The following ZFHX3 variants were observed in gnomAD, a reference collection of about 807,000 sequenced individuals.
ZFHX3 encodes the protein zinc finger homeobox 3, also known as zinc finger homeobox protein 3.
Under a neutral mutation model 279.1 loss-of-function variants are expected in ZFHX3, and 42 were observed. That is an observed-to-expected ratio of 0.15 (90% CI 0.12 to 0.19). The LOEUF is 0.19. Among genes scored for constraint, ZFHX3 ranks in the 10% least tolerant of loss-of-function variants. The probability of loss-of-function intolerance (pLI) is 1.00; values close to 1 mark genes in which losing one functional copy is unlikely to be tolerated. For synonymous variants in ZFHX3, 2,293 were observed against 1,957.8 expected (o/e 1.17, Z -4.52); for missense variants, 4,981 against 4,754.0 (o/e 1.05, Z -1.40).
intron 3 of ZFHX3, among the ~76,000 whole-genome samples, chr16:72,905,295 A>C (rs2039141224): frequency 6.6e-6 from 1 of 152,104 alleles, no homozygotes; most frequent in Non-Finnish European, 1.5e-5. Flanking sequence ...AATTACACTA[A>C]ATGGCTTTAT....
intron 2 of ZFHX3, among the ~76,000 whole-genome samples, chr16:73,511,495 T>C (rs1185550826): frequency 6.6e-6 from 1 of 152,238 alleles, no homozygotes; most frequent in African/African-American, 2.4e-5. Flanking sequence ...TGAAATTCTG[T>C]GCTCTCTGTG....
intron 5 of ZFHX3, among the ~76,000 whole-genome samples, chr16:73,208,003 C>A (rs144504300): frequency 3.9e-5 from 6 of 152,292 alleles, no homozygotes; most frequent in Non-Finnish European, 7.4e-5. Flanking sequence ...AGAACATTCT[C>A]TGCACTATCT....
At chr16:73,330,361 G>A (rs981028248) in intron 3 of ZFHX3, among the ~76,000 whole-genome samples, 3 of 152,158 alleles carry the variant, frequency 2.0e-5, no homozygotes, top group African/African-American at 4.8e-5. Flanking sequence ...TGGTTAATAT[G>A]GATATTAAAA....
At chr16:73,046,547 T>G (rs549904793) in intron 1 of ZFHX3, among the ~76,000 whole-genome samples, 2 of 152,046 alleles carry the variant, frequency 1.3e-5, no homozygotes, top group East Asian at 3.9e-4. Context: ...ACGTGAAGAT[T>G]TGACACCTCC....
intron 5 of ZFHX3, among the ~76,000 whole-genome samples, chr16:72,812,935 G>A (rs575664564): frequency 1.3e-5 from 2 of 152,310 alleles, no homozygotes; most frequent in African/African-American, 4.8e-5. Flanking sequence ...GTAGGCATTA[G>A]GTTAGGCTCA....
Position 72,788,060 on chromosome 16 carries a change from C to G in ZFHX3, c.10216G>C (p.Gly3406Arg), listed in dbSNP as rs368754895. 1 of 1,610,558 alleles carries G rather than the reference C, an allele frequency of 6.2e-7. No homozygotes were observed. Among genetic ancestry groups the G allele is most frequent in the South Asian group, 1.1e-5 (1 of 90,954 alleles). The change falls in exon 10 of 10, where the codon GGG becomes CGG. Residue 3406 changes from glycine (G) to arginine (R), a missense_variant. Gly to Arg is a moderately radical substitution (Grantham distance 125, BLOSUM62 -2). This residue lies in a region of ZFHX3 where 1,034 missense variants were observed against 786.0 expected (regional missense o/e 1.32). Transcript: ENST00000268489. ...GGGTCTTTGTCTGGGGAAGGAGCCCCGGGGGGGACTGGGGTTTGGCTTGCT... is the reference window on the plus strand; with the variant it reads ...GGGTCTTTGTCTGGGGAAGGAGCCCGGGGGGGGACTGGGGTTTGGCTTGCT... ...PKASQTPVPP[G>R]APSPDKDPAK...
chr16:72,903,530 C>G (rs1164765694), intron 3 of ZFHX3, among the ~76,000 whole-genome samples: 1 of 152,102 alleles, frequency 6.6e-6, no homozygotes, highest in Admixed American at 6.5e-5. Flanking sequence ...TCCAGATGCC[C>G]AAGATATAGC....
chr16:73,207,766 A>T (rs1045172961), intron 5 of ZFHX3, among the ~76,000 whole-genome samples: 1 of 152,218 alleles, frequency 6.6e-6, no homozygotes, highest in Non-Finnish European at 1.5e-5. Flanking sequence ...AGAGGAGAGG[A>T]AACAGTCAGT....
At chr16:73,211,847 G>A (rs923770057) in intron 5 of ZFHX3, among the ~76,000 whole-genome samples, 1 of 152,014 alleles carries the variant, frequency 6.6e-6, no homozygotes, top group African/African-American at 2.4e-5. Context: ...GGCAGGGAGG[G>A]GGGTGGCAAG....
intron 1 of ZFHX3, among the ~76,000 whole-genome samples, chr16:73,785,904 CTT>C (rs1033710040): frequency 4.6e-5 from 7 of 151,698 alleles, no homozygotes; most frequent in African/African-American, 1.5e-4. Flanking sequence ...GAGTTTCACT[CTT>C]GTTTCCCAGG....
intron 1 of ZFHX3, among the ~76,000 whole-genome samples, chr16:73,711,451 C>T (rs2142227061): frequency 6.6e-6 from 1 of 152,278 alleles, no homozygotes; most frequent in Middle Eastern, 3.4e-3. Context: ...CAGAGAGAGA[C>T]TTTATAAATG....
At chr16:73,739,467 C>T (rs2053635197) in intron 1 of ZFHX3, among the ~76,000 whole-genome samples, 2 of 152,302 alleles carry the variant, frequency 1.3e-5, no homozygotes, top group Non-Finnish European at 2.9e-5. Flanking sequence ...TCAAAAATGT[C>T]CCCAGATGTT....
chr16:73,220,896 G>A (rs185785578), intron 5 of ZFHX3, among the ~76,000 whole-genome samples: 2 of 152,138 alleles, frequency 1.3e-5, no homozygotes, highest in African/African-American at 2.4e-5. Flanking sequence ...GAGCACGGGC[G>A]ATGGATGTTT....
In ZFHX3 at chr16:72,957,451, T is replaced by C. The variant is rs139513309; in HGVS notation, c.2695A>G (p.Met899Val). 207 of 1,611,236 alleles carry C rather than the reference T, an allele frequency of 1.3e-4. No homozygotes were observed. The highest frequency in any genetic ancestry group is 1.7e-4 in the Non-Finnish European group (197 of 1,178,390). ...SGFQLDPAGP[M>V]AAMTPALVGG... ...CCTAGAGCAGGCGTCATGGCGGCCA[T>C]GGGCCCGGCGGGATCCAGCTGGAAT... is the stretch of plus-strand genomic sequence containing the variant. Residue 899 changes from methionine (M) to valine (V), a missense_variant, in exon 2 of 10, where the codon ATG becomes GTG. Transcript: ENST00000268489.
At chr16:72,863,960 C>CA in intron 4 of ZFHX3, among the ~76,000 whole-genome samples, 1 of 151,870 alleles carries the variant, frequency 6.6e-6, no homozygotes, top group East Asian at 1.9e-4. Flanking sequence ...ACTAAAAATA[C>CA]AAAAAAATTA....
At chr16:72,830,733 G>A (rs1244545781) in intron 4 of ZFHX3, among the ~76,000 whole-genome samples, 3 of 152,196 alleles carry the variant, frequency 2.0e-5, no homozygotes, top group African/African-American at 7.2e-5. Flanking sequence ...GAAAGAAGGG[G>A]AGACACTTCT....
chr16:73,021,830 CAAAAAAAAA>C (rs60811631), intron 1 of ZFHX3, among the ~76,000 whole-genome samples: 3 of 71,800 alleles, frequency 4.2e-5, no homozygotes, highest in Non-Finnish European at 8.1e-5. Context: ...GACTCCATCT[CAAAAAAAAA>C]AAAAAAAAAA....
chr16:73,042,833 C>T (rs896072779), intron 1 of ZFHX3, among the ~76,000 whole-genome samples: 1 of 152,034 alleles, frequency 6.6e-6, no homozygotes, highest in African/African-American at 2.4e-5. Context: ...TGAAGGTGAT[C>T]CATACATTCC....
At chr16:73,561,062 AT>A (rs1318797794) in intron 2 of ZFHX3, among the ~76,000 whole-genome samples, 1 of 152,250 alleles carries the variant, frequency 6.6e-6, no homozygotes, top group East Asian at 1.9e-4. Flanking sequence ...GATGTTCTGT[AT>A]TTGGGACAAG....
Sources: gnomAD v4.1 joint callset for allele counts (sites outside exome capture counted in the v4.1 genomes callset) on GRCh38, gnomAD v4.1.1 for gene constraint, gnomAD v4.1.1 regional missense constraint, MANE v1.5 for transcripts, NCBI Gene and HGNC (gene_info 2026-07-23, HGNC 2026-07-21) for gene names.